The following KATNAL2 variants were observed in gnomAD, a reference collection of about 807,000 sequenced individuals.
The protein encoded by KATNAL2 is katanin p60 ATPase-containing subunit A-like 2.
KATNAL2 carries 52 observed loss-of-function variants against 76.3 expected under a neutral mutation model. That is an observed-to-expected ratio of 0.68 (90% CI 0.55 to 0.86). The LOEUF is 0.86. Among genes scored for constraint, KATNAL2 ranks in the 40% least tolerant of loss-of-function variants. The pLI, the probability that KATNAL2 is intolerant of heterozygous loss-of-function variation, is 0.00. For missense variants in KATNAL2, 660 were observed against 668.9 expected (o/e 0.99, Z 0.15); for synonymous variants, 243 against 244.2 (o/e 1.00, Z 0.05).
intron 3 of KATNAL2, among the ~76,000 whole-genome samples, chr18:47,044,694 G>A (rs1424971790): frequency 1.3e-5 from 2 of 150,888 alleles, no homozygotes; most frequent in South Asian, 4.2e-4. Flanking sequence ...CCGGGAGGCA[G>A]AGTTTGCAGT....
chr18:47,060,027 T>C (rs2147137091), intron 8 of KATNAL2, among the ~76,000 whole-genome samples: 1 of 151,470 alleles, frequency 6.6e-6, no homozygotes, highest in South Asian at 2.1e-4. Context: ...GACAGGGTCT[T>C]GCTCTGTCAC....
intron 3 of KATNAL2, among the ~76,000 whole-genome samples, 174 bp downstream of exon 3, chr18:46,947,097 G>T (rs2059404315): frequency 6.6e-6 from 1 of 152,218 alleles, no homozygotes; most frequent in Non-Finnish European, 1.5e-5. Context: ...GCTTGCAGCC[G>T]TGATGGAGGG....
chr18:47,057,378 T>C (rs999511702), intron 6 of KATNAL2, among the ~76,000 whole-genome samples: 3 of 152,250 alleles, frequency 2.0e-5, no homozygotes, highest in African/African-American at 4.8e-5. Context: ...GATATTCCAA[T>C]ACTGAATTTT....
At chr18:47,052,372 T>C (rs1303525304) in intron 4 of KATNAL2, among the ~76,000 whole-genome samples, 1 of 152,212 alleles carries the variant, frequency 6.6e-6, no homozygotes, top group Non-Finnish European at 1.5e-5. Flanking sequence ...TCTTTGATGA[T>C]CTTGATTGGT....
chr18:47,033,770 C>T lies in KATNAL2; in HGVS notation c.52-12687C>T. ...CTGCGTCCAGGGAAAGCAGCTTCCT[C>T]CCGGAACTTTGGTGAAGAGAGTGCT... On this transcript the variant is annotated intron_variant, in intron 3 of 17. Transcript: ENST00000683218. The T allele has an allele frequency of 3.1e-6, 5 of 1,614,206 alleles. No individual in the cohort carries two copies. The South Asian group carries it at 3.3e-5, about 11-fold the overall frequency.
intron 15 of KATNAL2, among the ~76,000 whole-genome samples, chr18:47,094,845 TA>T (rs1483495839): frequency 2.0e-5 from 3 of 152,212 alleles, no homozygotes; most frequent in Non-Finnish European, 4.4e-5. Context: ...CCCTCCATTT[TA>T]CCCTCTACCA....
chr18:47,046,926 A>G (rs1251167964), intron 4 of KATNAL2, among the ~76,000 whole-genome samples: 2 of 152,102 alleles, frequency 1.3e-5, no homozygotes, highest in Admixed American at 1.3e-4. Context: ...CTCCTGCCCC[A>G]ACAACCCAGA....
intron 3 of KATNAL2, chr18:47,046,246 T>G (rs2147058532): frequency 1.8e-6 from 1 of 553,648 alleles, no homozygotes; most frequent in Non-Finnish European, 3.2e-6. Context: ...TTAAAATCAT[T>G]GTCCCTTAAG....
chr18:46,954,693 G>T (rs1316896341), intron 3 of KATNAL2, among the ~76,000 whole-genome samples: 3 of 151,512 alleles, frequency 2.0e-5, no homozygotes, highest in Non-Finnish European at 4.4e-5. Flanking sequence ...ACCCAGGCTG[G>T]AGTACAATGG....
In KATNAL2 at chr18:47,054,601, A is replaced by AG. The variant is rs2061421390; in HGVS notation, c.332+164dup. The stretch of plus-strand genomic sequence containing the variant: ...GGACTTCTCTCATTACAGCTGCCCC[A>AG]GATTTGGGCCAATGTCCGTCTACTC... On this transcript the variant is annotated intron_variant, in intron 6 of 17. Coordinates refer to ENST00000683218, the MANE Select transcript of KATNAL2 (RefSeq NM_001387690.1). 4.3e-6 allele frequency: 3 copies of AG among 696,402 alleles called. No homozygotes were observed. In the South Asian group the frequency reaches 5.5e-5, roughly 13 times the overall value. 43.1% of individuals were successfully genotyped at this position (696,402 alleles called of 1,614,324 possible). A position where few individuals can be genotyped will look rare whatever the true frequency, so the allele number is the denominator to read the frequency against.
intron 6 of KATNAL2, among the ~76,000 whole-genome samples, chr18:47,057,073 A>G (rs2061493069): frequency 6.6e-6 from 1 of 152,120 alleles, no homozygotes; most frequent in Admixed American, 6.5e-5. Context: ...CAGATGTGTC[A>G]CCATGTGGAC....
chr18:46,951,147 A>G (rs928579191), intron 3 of KATNAL2, among the ~76,000 whole-genome samples: 3 of 152,188 alleles, frequency 2.0e-5, no homozygotes, highest in East Asian at 1.9e-4. Flanking sequence ...GAGAAATTCT[A>G]TCATAATTTT....
At chr18:47,053,228 A>G (rs948689665) in intron 5 of KATNAL2, among the ~76,000 whole-genome samples, 182 bp downstream of exon 5, 4 of 152,202 alleles carry the variant, frequency 2.6e-5, no homozygotes, top group Non-Finnish European at 5.9e-5. Flanking sequence ...GGACACTGAT[A>G]TCCCTTTAGG....
intron 3 of KATNAL2, among the ~76,000 whole-genome samples, chr18:46,961,237 C>T (rs1046374582): frequency 9.3e-5 from 14 of 149,792 alleles, no homozygotes; most frequent in East Asian, 8.0e-4. Context: ...TTTAACTTTT[C>T]GCTTTCTCCC....
Position 46,948,888 on chromosome 18 carries a change from T to TTGTGTGTGTGTGTGTG in KATNAL2, c.51+1981_51+1996dup, listed in dbSNP as rs71264810. Among the ~76,000 whole-genome samples, 142 of 145,880 alleles carry TTGTGTGTGTGTGTGTG rather than the reference T, an allele frequency of 9.7e-4. 1 individual carries two copies. The highest frequency in any genetic ancestry group is 3.5e-3 in the African/African-American group (138 of 39,226). Reference sequence around the variant, plus strand: ...TACTGGGGTGTTGCAAGTATCTGCATTGTGTGTGTGTGTGTGTGTGTGTGT... The same window carrying TTGTGTGTGTGTGTGTG: ...TACTGGGGTGTTGCAAGTATCTGCATTGTGTGTGTGTGTGTGTGTGTGTGTGTGTGTGTGTGTGTGT... On this transcript the variant is annotated intron_variant, in intron 3 of 17. Transcript: ENST00000683218.
intron 15 of KATNAL2, among the ~76,000 whole-genome samples, chr18:47,092,795 C>A (rs1009017424): frequency 5.3e-5 from 8 of 152,178 alleles, no homozygotes; most frequent in African/African-American, 1.4e-4. Flanking sequence ...TTTCTTGAAT[C>A]CCTTATAGTC....
intron 1 of KATNAL2, among the ~76,000 whole-genome samples, chr18:46,918,371 T>C (rs916208408): frequency 6.6e-6 from 1 of 152,192 alleles, no homozygotes; most frequent in Non-Finnish European, 1.5e-5. Context: ...ATCAGCCTCC[T>C]ACCTACCGCC....
chr18:47,080,994 C>G (rs1468449285), intron 15 of KATNAL2, among the ~76,000 whole-genome samples: 1 of 150,462 alleles, frequency 6.6e-6, no homozygotes, highest in Non-Finnish European at 1.5e-5. Context: ...CTTCCTCCCT[C>G]CCTCCTTCCT....
chr18:46,965,596 C>T (rs2060104381), intron 3 of KATNAL2, among the ~76,000 whole-genome samples: 1 of 105,434 alleles, frequency 9.5e-6, no homozygotes, highest in Non-Finnish European at 2.1e-5. Context: ...CCCCCCCCCG[C>T]CCCCAACGGT....
Sources: allele counts gnomAD v4.1 joint callset (sites outside exome capture counted in the v4.1 genomes callset), GRCh38; gene constraint gnomAD v4.1.1; transcripts MANE v1.5; gene names NCBI Gene and HGNC (gene_info 2026-07-23, HGNC 2026-07-21).